The following QTRT1 variants were observed in gnomAD, a reference collection of about 807,000 sequenced individuals.
QTRT1 encodes the protein queuine tRNA-ribosyltransferase catalytic subunit 1, also known as TGT, 43-KD subunit.
QTRT1 carries 41 observed loss-of-function variants against 44.0 expected under a neutral mutation model. The observed-to-expected ratio is 0.93, with a 90% CI of 0.73 to 1.21. QTRT1 has a LOEUF of 1.21. QTRT1 is among the 50% of genes most tolerant of loss of function. QTRT1 has a pLI of 0.00. For synonymous variants in QTRT1, 226 were observed against 237.1 expected (o/e 0.95, Z 0.43); for missense variants, 542 against 575.8 (o/e 0.94, Z 0.60).
In QTRT1 at chr19:10,707,580, G is replaced by A. The variant is rs1168823780; in HGVS notation, c.611G>A (p.Gly204Glu). 2.5e-6 allele frequency: 4 copies of A among 1,610,740 alleles called. No individual in the cohort carries two copies. The highest frequency in any genetic ancestry group is 2.7e-5 in the African/African-American group (2 of 74,890). Residue 204 changes from glycine (G) to glutamate (E), a missense_variant, in exon 5 of 10, where the codon GGG becomes GAG. Physicochemically the swap from Gly to Glu is moderately conservative, Grantham distance 98. Coordinates refer to ENST00000250237, the MANE Select transcript of QTRT1 (RefSeq NM_031209.3). ...AACCTCTTCGCCATTATCCAGGGTG[G>A]GCTGGACGCAGATCTCCGGGCCACC... Reference protein sequence around the residue: ...KQNLFAIIQGGLDADLRATCL... With the variant: ...KQNLFAIIQGELDADLRATCL...
chr19:10,702,574 C>T (rs1057484091), intron 3 of QTRT1, among the ~76,000 whole-genome samples: 17 of 151,722 alleles, frequency 1.1e-4, no homozygotes, highest in African/African-American at 4.1e-4. Context: ...GAAACTGAGG[C>T]GGGAAGATCA....
Position 10,707,552 on chromosome 19 carries a change from C to G in QTRT1, c.583C>G (p.Gln195Glu). 5 of 1,613,004 alleles carry G rather than the reference C, an allele frequency of 3.1e-6. No homozygotes were observed. Among genetic ancestry groups the G allele is most frequent in the Non-Finnish European group, 4.2e-6 (5 of 1,179,576 alleles). The change falls in exon 5 of 10, where the codon CAG (glutamine) becomes GAG (glutamate). Residue 195 changes from glutamine (Q) to glutamate (E), a missense_variant. By Grantham distance (29) the Gln-to-Glu change is conservative. Transcript: ENST00000250237. ...CIAAHQRPDK[Q>E]NLFAIIQGGL... ...TGCAGCCCATCAGCGGCCGGACAAG[C>G]AGAACCTCTTCGCCATTATCCAGGG...
chr19:10,705,458 C>G (rs2068708984), intron 3 of QTRT1, among the ~76,000 whole-genome samples: 1 of 150,396 alleles, frequency 6.6e-6, no homozygotes, highest in South Asian at 2.1e-4. Context: ...AGGCCGGTCT[C>G]GAACTCCTGA....
Position 10,704,355 on chromosome 19 carries a change from G to A in QTRT1, c.451+2101G>A, listed in dbSNP as rs538403266. 2.6e-5 allele frequency among the ~76,000 whole-genome samples: 4 copies of A among 151,394 alleles called. No homozygotes were observed. In the South Asian group the frequency reaches 6.3e-4, roughly 24 times the overall value. Reference sequence around the variant, plus strand: ...GTCTCCCAGGCTGGAGTGCGGTGGCGCGATCTCGGCTCACTGCAAGCTCCG... The same window carrying A: ...GTCTCCCAGGCTGGAGTGCGGTGGCACGATCTCGGCTCACTGCAAGCTCCG... On this transcript the variant is annotated intron_variant, in intron 3 of 9. Transcript: ENST00000250237.
At chr19:10,704,774 A>G (rs1013003131) in intron 3 of QTRT1, among the ~76,000 whole-genome samples, 2 of 151,348 alleles carry the variant, frequency 1.3e-5, no homozygotes, top group African/African-American at 4.9e-5. Flanking sequence ...TTTGGTAGAG[A>G]CGGGGTTTCT....
intron 3 of QTRT1, among the ~76,000 whole-genome samples, chr19:10,705,009 G>A (rs141607973): frequency 9.9e-4 from 149 of 151,032 alleles, no homozygotes; most frequent in African/African-American, 3.4e-3. Context: ...TCTGCTGCCC[G>A]GGTTTAAGCT....
intron 1 of QTRT1, 28 bp downstream of exon 1, chr19:10,701,731 G>A (rs556431102): frequency 9.9e-5 from 153 of 1,552,336 alleles, no homozygotes; most frequent in Non-Finnish European, 1.3e-4. Flanking sequence ...GCGCGGGGAG[G>A]CGGCGAGGCG....
intron 3 of QTRT1, among the ~76,000 whole-genome samples, chr19:10,705,236 T>C (rs949654212): frequency 8.7e-5 from 13 of 149,896 alleles, no homozygotes; most frequent in African/African-American, 3.2e-4. Flanking sequence ...TTTTCGTCTT[T>C]TCTTTTTTTT....
Position 10,707,604 on chromosome 19 carries a change from C to T in QTRT1, c.635C>T (p.Thr212Ile), listed in dbSNP as rs764831399. ...QGGLDADLRA[T>I]CLEEMTKRDV... ...GGGCTGGACGCAGATCTCCGGGCCA[C>T]CTGCCTTGAAGGTAGAGCCATGCGC... Residue 212 changes from threonine (T) to isoleucine (I), a missense_variant, in exon 5 of 10, where the codon ACC becomes ATC. Transcript: ENST00000250237. 8.7e-6 allele frequency: 14 copies of T among 1,604,366 alleles called. No homozygotes were observed. The highest frequency in any genetic ancestry group is 5.3e-5 in the African/African-American group (4 of 74,832).
chr19:10,713,180 G>C lies in QTRT1; in HGVS notation c.1122G>C (p.Arg374=). The C allele has an allele frequency of 6.2e-7, 1 of 1,609,958 alleles. No homozygotes were observed. The highest frequency in any genetic ancestry group is 8.5e-7 in the Non-Finnish European group (1 of 1,178,242). The change falls in exon 10 of 10, where the codon CGG becomes CGC. Residue 374 remains arginine (R), a synonymous_variant. Transcript: ENST00000250237. This position sits in a 1 kb window ranked among gnomAD's most constrained non-coding sequence, Gnocchi z 4.3. ...IVEKRFPDFV[R]DFMGAMYGDP... is the part of the protein sequence containing the mutation. ...AGAAGCGCTTCCCGGACTTCGTGCG[G>C]GACTTCATGGGCGCCATGTACGGGG...
At position 10,712,001 on chromosome 19, in the gene QTRT1, C is replaced by G. The variant is rs1339900729; in HGVS notation, c.647-160C>G. 2 of 846,434 alleles carry G rather than the reference C, an allele frequency of 2.4e-6. No homozygotes were observed. The highest frequency in any genetic ancestry group is 1.7e-5 in the African/African-American group (1 of 59,834). 52.4% of individuals were successfully genotyped at this position (846,434 alleles called of 1,614,324 possible). On this transcript the variant is annotated intron_variant, in intron 5 of 9. Coordinates refer to ENST00000250237, the MANE Select transcript of QTRT1 (RefSeq NM_031209.3). This position sits in a 1 kb window ranked among gnomAD's most constrained non-coding sequence, Gnocchi z 5.6. ...GATGGACCCTCTCCTCTGTCTCCCT[C>G]TCCGTCTCCCTCTCCGTCTCTGGCT...
At chr19:10,703,539 G>C (rs890244137) in intron 3 of QTRT1, among the ~76,000 whole-genome samples, 13 of 152,204 alleles carry the variant, frequency 8.5e-5, no homozygotes, top group Admixed American at 2.6e-4. Flanking sequence ...TGCTGGGTGC[G>C]GTGGCCACGC....
At position 10,701,483 on chromosome 19, in the gene QTRT1, C is replaced by T. The variant is rs749616579; in HGVS notation, c.23C>T (p.Ala8Val). ...AAGATGGCGGGAGCAGCTACCCAGG[C>T]TTCCCTGGAGTCGGCCCCACGGATC... Reference protein sequence around the residue: MAGAATQASLESAPRIMR... With the variant: MAGAATQVSLESAPRIMR... The change falls in exon 1 of 10, where the codon GCT becomes GTT. Residue 8 changes from alanine (A) to valine (V), a missense_variant. Physicochemically the swap from Ala to Val is moderately conservative, Grantham distance 64. Coordinates refer to ENST00000250237, the MANE Select transcript of QTRT1 (RefSeq NM_031209.3). The T allele has an allele frequency of 5.1e-6, 8 of 1,567,510 alleles. No homozygotes were observed. The highest frequency in any genetic ancestry group is 6.9e-6 in the Non-Finnish European group (8 of 1,153,158).
intron 3 of QTRT1, 116 bp downstream of exon 3, chr19:10,702,370 C>A: frequency 8.5e-7 from 1 of 1,175,508 alleles, no homozygotes; most frequent in Non-Finnish European, 1.2e-6. Flanking sequence ...CGCTGAGCTT[C>A]AGTTGAACCA....
At chr19:10,705,874 G>A (rs1249462488) in intron 3 of QTRT1, among the ~76,000 whole-genome samples, 1 of 65,474 alleles carries the variant, frequency 1.5e-5, no homozygotes, top group Admixed American at 2.3e-4. Context: ...TTTTTTTGTG[G>A]AGACAGAGTC....
At chr19:10,706,444 C>T (rs964341230) in intron 3 of QTRT1, among the ~76,000 whole-genome samples, 4 of 152,156 alleles carry the variant, frequency 2.6e-5, no homozygotes, top group African/African-American at 9.7e-5. Context: ...GCAATCTTAG[C>T]TCACCGCAAC....
chr19:10,704,083 G>A (rs921733214), intron 3 of QTRT1, among the ~76,000 whole-genome samples: 2 of 152,056 alleles, frequency 1.3e-5, no homozygotes, highest in Non-Finnish European at 2.9e-5. Flanking sequence ...CTGACCTCAA[G>A]CGATCTGCCC....
At chr19:10,707,255 A>G in intron 3 of QTRT1, 47 bp from the exon 4 acceptor site, 11 of 1,597,134 alleles carry the variant, frequency 6.9e-6, no homozygotes, top group Non-Finnish European at 8.6e-6. Context: ...GGCTTTCCCC[A>G]AGCATTGCGG....
intron 1 of QTRT1, 57 bp from the exon 2 acceptor site, chr19:10,701,893 G>A: frequency 6.2e-7 from 1 of 1,601,450 alleles, no homozygotes; most frequent in Non-Finnish European, 8.6e-7. Context: ...TGTCTCCCAA[G>A]AAGGGCCCCC....
Sources: gnomAD v4.1 joint callset for allele counts (sites outside exome capture counted in the v4.1 genomes callset) on GRCh38, gnomAD v4.1.1 for gene constraint, Gnocchi (gnomAD v3.1) non-coding constraint, MANE v1.5 for transcripts, NCBI Gene and HGNC (gene_info 2026-07-23, HGNC 2026-07-21) for gene names.